Variants in GTPBP1 observed in about 807,000 individuals in gnomAD.
GTPBP1 encodes GTP-binding protein 1.
In GTPBP1, 23 loss-of-function variants were observed where a neutral mutation model predicts 62.0. The observed-to-expected ratio is 0.37, with a 90% CI of 0.27 to 0.53. The LOEUF is 0.53. Ranked by LOEUF, GTPBP1 falls within the 20% of genes least tolerant of loss-of-function variation. The probability of loss-of-function intolerance (pLI) is 0.89; values close to 1 mark genes in which losing one functional copy is unlikely to be tolerated. For synonymous variants in GTPBP1, 344 were observed against 364.4 expected, an observed-to-expected ratio of 0.94 and a Z score of 0.64; for missense variants, 640 against 917.3, an observed-to-expected ratio of 0.70 and a Z score of 3.90.
downstream of GTPBP1, chr22:38,742,402 G>GGCC (rs1470704331): frequency 1.2e-6 from 2 of 1,613,238 alleles, no homozygotes; most frequent in African/African-American, 1.3e-5. Context: ...TCGTGGCTCA[G>GGCC]GCCACCACCA....
rs560216101 is a variant in GTPBP1, at chr22:38,723,752, C to T, written c.959-545C>T. The stretch of plus-strand genomic sequence containing the variant: ...CTCTACCAGCTAAGCTGGATATATA[C>T]GGGGAAGTTTGGACAGAGGGTCTGA... On this transcript the variant is annotated intron_variant, in intron 5 of 11. Coordinates refer to ENST00000216044, the MANE Select transcript of GTPBP1 (RefSeq NM_004286.5). Among the ~76,000 whole-genome samples, 12 of 152,276 alleles carry T rather than the reference C, an allele frequency of 7.9e-5. No individual in the cohort carries two copies. In the South Asian group the frequency reaches 2.1e-3, roughly 26 times the overall value.
chr22:38,725,129 C>T (rs912782489), intron 6 of GTPBP1: 1 of 152,334 alleles, frequency 6.6e-6, no homozygotes, highest in Non-Finnish European at 1.5e-5. Context: ...ATGTGATCTT[C>T]AGTACCATCA....
chr22:38,723,594 C>T (rs893846948), intron 5 of GTPBP1: 4 of 564,474 alleles, frequency 7.1e-6, no homozygotes, highest in Admixed American at 6.2e-5. Flanking sequence ...CTACTTCCTC[C>T]CCTATTTAGT....
intron 5 of GTPBP1, chr22:38,723,572 C>G (rs2092712000): frequency 1.0e-5 from 6 of 584,704 alleles, no homozygotes; most frequent in Non-Finnish European, 1.8e-5. Context: ...TCCATCAGCC[C>G]AGAATCTTCT....
intron 4 of GTPBP1, among the ~76,000 whole-genome samples, chr22:38,720,280 C>T (rs1204194308): frequency 2.0e-5 from 3 of 151,978 alleles, no homozygotes; most frequent in Admixed American, 6.6e-5. Flanking sequence ...AGTGCAATGG[C>T]GCAATCTTGG....
chr22:38,714,576 C>A (rs1007584173), intron 2 of GTPBP1, among the ~76,000 whole-genome samples: 9 of 151,244 alleles, frequency 6.0e-5, no homozygotes, highest in African/African-American at 2.2e-4. Flanking sequence ...TGGGATAGTA[C>A]AGTCAACACG....
intron 4 of GTPBP1, among the ~76,000 whole-genome samples, chr22:38,718,628 G>A (rs778988147): frequency 4.6e-5 from 7 of 152,204 alleles, no homozygotes; most frequent in Non-Finnish European, 1.0e-4. Context: ...AGTGCCAGCT[G>A]GGGTGACTCA....
chr22:38,711,397 G>A (rs1317257414), intron 2 of GTPBP1, among the ~76,000 whole-genome samples: 1 of 152,186 alleles, frequency 6.6e-6, no homozygotes, highest in African/African-American at 2.4e-5. Flanking sequence ...TTAAAATGGG[G>A]ATAATAATGG....
chr22:38,742,696 TG>T, downstream of GTPBP1: 1 of 1,131,470 alleles, frequency 8.8e-7, no homozygotes, highest in Non-Finnish European at 1.2e-6. Context: ...CAGGGCCGGC[TG>T]GAGCTCGTGG....
At chr22:38,707,741 T>C (rs1186399251) in intron 1 of GTPBP1, among the ~76,000 whole-genome samples, 5 of 152,218 alleles carry the variant, frequency 3.3e-5, no homozygotes, top group Non-Finnish European at 7.3e-5. Flanking sequence ...AGAAGTGTTA[T>C]TTCATCACAT....
chr22:38,708,767 G>GT (rs2092621096), intron 1 of GTPBP1, 78 bp from the exon 2 acceptor site: 1 of 827,096 alleles, frequency 1.2e-6, no homozygotes, highest in East Asian at 2.4e-5. Context: ...AGGATCTTTG[G>GT]TTAGGCTATA....
chr22:38,738,606 G>A (rs1192940573), downstream of GTPBP1: 1 of 1,613,622 alleles, frequency 6.2e-7, no homozygotes, highest in Non-Finnish European at 8.5e-7. This position sits in a 1 kb window ranked among gnomAD's most constrained non-coding sequence, Gnocchi z 6.6. Context: ...GAAGTCCTTG[G>A]GGGCACTGGA....
downstream of GTPBP1, chr22:38,741,476 T>C (rs1405298457): frequency 6.2e-7 from 1 of 1,612,948 alleles, no homozygotes; most frequent in African/African-American, 1.3e-5. Flanking sequence ...AGGCCCTGAG[T>C]GCCGCAAGCC....
Position 38,730,469 on chromosome 22 carries a change from T to C in GTPBP1, c.1918-143T>C, listed in dbSNP as rs12158303. 1 of 628,578 alleles carries C rather than the reference T, an allele frequency of 1.6e-6. No individual in the cohort carries two copies. Among genetic ancestry groups the C allele is most frequent in the Non-Finnish European group, 2.8e-6 (1 of 351,526 alleles). The allele number at this position is 628,578 out of a possible 1,614,324, so 38.9% of individuals were successfully genotyped here. A position where few individuals can be genotyped will look rare whatever the true frequency, so the allele number is the denominator to read the frequency against. ...AGGTGCTGCATGCAGAGTGACCCAG[T>C]AAATTCCTGGTCAGGCTAGGGTGAG... is the stretch of plus-strand genomic sequence containing the variant. On this transcript the variant is annotated intron_variant, in intron 11 of 11. Coordinates refer to ENST00000216044, the MANE Select transcript of GTPBP1 (RefSeq NM_004286.5). This position sits in a 1 kb window ranked among gnomAD's most constrained non-coding sequence, Gnocchi z 5.6.
intron 4 of GTPBP1, among the ~76,000 whole-genome samples, chr22:38,718,703 A>G (rs558412407): frequency 6.6e-6 from 1 of 152,350 alleles, no homozygotes; most frequent in East Asian, 1.9e-4. Context: ...GGCACTGTGT[A>G]AACACATCAT....
downstream of GTPBP1, chr22:38,736,656 C>T (rs1008455422): frequency 6.9e-6 from 2 of 290,628 alleles, no homozygotes; most frequent in East Asian, 6.6e-5. Flanking sequence ...CAGATAGAAC[C>T]ACCTTCATAG....
chr22:38,738,391 TC>T (rs1300001367), downstream of GTPBP1: 6 of 1,092,922 alleles, frequency 5.5e-6, no homozygotes, highest in Admixed American at 2.3e-5. The surrounding 1 kb of genome is among the most constrained non-coding windows in gnomAD (Gnocchi z 6.6). Context: ...GTCACTTCAC[TC>T]TCTTGTGCCA....
Position 38,729,294 on chromosome 22 carries a change from C to T in GTPBP1, c.1717-168C>T, listed in dbSNP as rs532691359. On this transcript the variant is annotated intron_variant, in intron 10 of 11. Transcript: ENST00000216044. ...CTGAGTGGGGATGAGAATGCCTCTT[C>T]ATCCCCACTGCCTCCTGTCACAGCC... The T allele has an allele frequency of 2.4e-5, 13 of 546,546 alleles. No homozygotes were observed. The Admixed American group carries it at 2.8e-4, about 12-fold the overall frequency. The allele number at this position is 546,546 out of a possible 1,614,324, so 33.9% of individuals were successfully genotyped here.
Position 38,730,787 on chromosome 22 carries a change from C to T in GTPBP1, c.*83C>T. On this transcript the variant is annotated 3_prime_UTR_variant, in exon 12 of 12. Transcript: ENST00000216044. The surrounding 1 kb of genome is among the most constrained non-coding windows in gnomAD (Gnocchi z 5.6). ...ACCAGATGGGCAGAGCAGCTATGAC[C>T]GCCACCCAGCCCTCCCGCTCAGGCC... 9.6e-6 allele frequency: 7 copies of T among 731,262 alleles called. No homozygotes were observed. The South Asian group carries it at 1.1e-4, about 11-fold the overall frequency. The allele number at this position is 731,262 out of a possible 1,614,324, so 45.3% of individuals were successfully genotyped here.
Sources: allele counts gnomAD v4.1 joint callset (sites outside exome capture counted in the v4.1 genomes callset), GRCh38; gene constraint gnomAD v4.1.1; non-coding constraint Gnocchi (gnomAD v3.1); transcripts MANE v1.5; gene names NCBI Gene and HGNC (gene_info 2026-07-23, HGNC 2026-07-21).